IFT43: variants seen among roughly 807,000 people sequenced by gnomAD.
IFT43 encodes intraflagellar transport protein 43 homolog.
In IFT43, 33 loss-of-function variants were observed where a neutral mutation model predicts 32.3. That is an observed-to-expected ratio of 1.02 (90% CI 0.77 to 1.37). The LOEUF (loss-of-function observed/expected upper bound fraction) is 1.37, where lower values mean the gene tolerates loss of function less well. Ranked by LOEUF, IFT43 falls within the 40% of genes most tolerant of loss-of-function variation. IFT43 has a pLI of 0.00. For synonymous variants in IFT43, 93 were observed against 98.2 expected (o/e 0.95, Z 0.31); for missense variants, 274 against 265.9 (o/e 1.03, Z -0.21).
intron 3 of IFT43, among the ~76,000 whole-genome samples, chr14:76,047,990 T>C (rs1366328156): frequency 1.3e-5 from 2 of 151,676 alleles, no homozygotes; most frequent in Non-Finnish European, 2.9e-5. Flanking sequence ...ATGGAGAAAA[T>C]GAGAACTAGG....
At chr14:76,069,204 G>A (rs2037277265) in intron 5 of IFT43, among the ~76,000 whole-genome samples, 2 of 152,092 alleles carry the variant, frequency 1.3e-5, no homozygotes, top group South Asian at 4.1e-4. Context: ...GAGCAAGAGA[G>A]AGAGAGGGAG....
intron 3 of IFT43, among the ~76,000 whole-genome samples, chr14:76,025,186 G>A (rs564625518): frequency 6.6e-6 from 1 of 152,170 alleles, no homozygotes; most frequent in Non-Finnish European, 1.5e-5. Flanking sequence ...TTCTAGTTTA[G>A]AATTTCCTTG....
chr14:76,006,574 G>GT (rs1419469662), intron 2 of IFT43, among the ~76,000 whole-genome samples: 2 of 152,142 alleles, frequency 1.3e-5, no homozygotes, highest in African/African-American at 4.8e-5. Context: ...TAAGTTTTTT[G>GT]TAAGCTAAAT....
intron 2 of IFT43, 127 bp downstream of exon 2, chr14:75,989,104 G>T (rs1471868955): frequency 8.3e-7 from 1 of 1,204,234 alleles, no homozygotes; most frequent in Non-Finnish European, 1.2e-6. Context: ...GTCTTGATTT[G>T]GGAATTCCCT....
chr14:76,057,287 A>G (rs187131968), intron 3 of IFT43, among the ~76,000 whole-genome samples: 6 of 152,136 alleles, frequency 3.9e-5, no homozygotes, highest in South Asian at 4.1e-4. Flanking sequence ...GCTGGAGTGA[A>G]ATGGCGTGAT....
In IFT43 at chr14:76,062,743, G is replaced by A. The variant is rs375519140; in HGVS notation, c.295+3370G>A. Reference sequence around the variant, plus strand: ...CCAGCCTGCCCAACATGGCGAAACCGCATCTCTTATAAAAATACAAAAAAT... The same window carrying A: ...CCAGCCTGCCCAACATGGCGAAACCACATCTCTTATAAAAATACAAAAAAT... On this transcript the variant is annotated intron_variant, in intron 5 of 8. Transcript: ENST00000314067. 1.6e-4 allele frequency among the ~76,000 whole-genome samples: 24 copies of A among 151,470 alleles called. No individual in the cohort carries two copies. In the South Asian group the frequency reaches 2.1e-3, roughly 13 times the overall value.
intron 5 of IFT43, among the ~76,000 whole-genome samples, chr14:76,060,171 T>C (rs958288915): frequency 6.6e-6 from 1 of 152,136 alleles, no homozygotes; most frequent in African/African-American, 2.4e-5. Context: ...AAATGAAGCC[T>C]TCTAGGGAGG....
At chr14:76,002,260 AAAT>A (rs1413197816) in intron 2 of IFT43, among the ~76,000 whole-genome samples, 1 of 152,162 alleles carries the variant, frequency 6.6e-6, no homozygotes, top group Non-Finnish European at 1.5e-5. Flanking sequence ...AAAATAAAAT[AAAT>A]AATAATCTCA....
intron 4 of IFT43, 165 bp from the exon 5 acceptor site, chr14:76,059,162 C>A: frequency 6.5e-7 from 1 of 1,543,590 alleles, no homozygotes; most frequent in Non-Finnish European, 8.7e-7. Flanking sequence ...CAACCACACA[C>A]GGCACACCCA....
rs142713739 is a variant in IFT43 at position 76,040,779 on chromosome 14, G to A, written c.216-17863G>A. 2.6e-5 allele frequency among the ~76,000 whole-genome samples: 4 copies of A among 152,330 alleles called. No homozygotes were observed. The East Asian group carries it at 7.7e-4, about 29-fold the overall frequency. On this transcript the variant is annotated intron_variant, in intron 3 of 8. Transcript: ENST00000314067. The stretch of plus-strand genomic sequence containing the variant: ...GCTTCCCACTCTGAAAAGCGGAGCA[G>A]TCCTCCTGACAAGTGACCCCAGTCA...
chr14:76,074,738 A>T (rs1228208841), intron 5 of IFT43, among the ~76,000 whole-genome samples: 1 of 152,208 alleles, frequency 6.6e-6, no homozygotes, highest in Non-Finnish European at 1.5e-5. Context: ...AATGAGGTCC[A>T]GCATTCATAC....
At chr14:76,078,852 G>A (rs1280455519) in intron 5 of IFT43, among the ~76,000 whole-genome samples, 1 of 152,130 alleles carries the variant, frequency 6.6e-6, no homozygotes, top group Non-Finnish European at 1.5e-5. Flanking sequence ...CTCCTCCTTG[G>A]GGCTAGTTTA....
intron 2 of IFT43, among the ~76,000 whole-genome samples, chr14:76,015,365 T>C (rs1202893757): frequency 6.6e-6 from 1 of 152,170 alleles, no homozygotes; most frequent in Non-Finnish European, 1.5e-5. Flanking sequence ...TCCCCTCTGC[T>C]TCAGTGCTCT....
intron 5 of IFT43, among the ~76,000 whole-genome samples, chr14:76,062,917 C>CAAAAAAAAAAAA (rs746158153): frequency 1.4e-4 from 10 of 72,476 alleles, no homozygotes; most frequent in African/African-American, 4.2e-4. Context: ...GATCCCATCT[C>CAAAAAAAAAAAA]AAAAAAAAAA....
intron 3 of IFT43, among the ~76,000 whole-genome samples, chr14:76,030,053 T>C (rs2036479703): frequency 6.6e-6 from 1 of 151,678 alleles, no homozygotes; most frequent in Admixed American, 6.6e-5. Context: ...GCTAATTTTT[T>C]TAAATTCTTA....
Position 76,063,860 on chromosome 14 carries a change from A to G in IFT43, c.295+4487A>G, listed in dbSNP as rs34410474. Among the ~76,000 whole-genome samples the G allele has an allele frequency of 1.2e-4, 19 of 152,324 alleles. No homozygotes were observed. In the East Asian group the frequency reaches 2.9e-3, roughly 23 times the overall value. On this transcript the variant is annotated intron_variant, in intron 5 of 8. Transcript: ENST00000314067. ...TATTCTGGGATGGTGGTTAAAATGT[A>G]TAATCCCAGGCCATGCACTAATCAG... is the stretch of plus-strand genomic sequence containing the variant.
chr14:76,062,707 A>G (rs996963436), intron 5 of IFT43, among the ~76,000 whole-genome samples: 122 of 276 alleles, frequency 0.44, no homozygotes, highest in African/African-American at 0.48. Flanking sequence ...GCCTGAGGTC[A>G]GGATTCAAGA....
chr14:76,084,016 C>T (rs954553268), downstream of IFT43: 3 of 455,470 alleles, frequency 6.6e-6, no homozygotes, highest in Non-Finnish European at 1.3e-5. Flanking sequence ...AGCACTGCCA[C>T]CTGCATCATA....
intron 2 of IFT43, among the ~76,000 whole-genome samples, chr14:75,996,162 A>T (rs1253140136): frequency 1.3e-5 from 2 of 152,200 alleles, no homozygotes; most frequent in Non-Finnish European, 2.9e-5. Context: ...GGGGAGGGTT[A>T]AGTGAGAAAT....
Sources: gnomAD v4.1 joint callset for allele counts (sites outside exome capture counted in the v4.1 genomes callset) on GRCh38, gnomAD v4.1.1 for gene constraint, MANE v1.5 for transcripts, NCBI Gene and HGNC (gene_info 2026-07-23, HGNC 2026-07-21) for gene names.